SLC9A9: variants seen among roughly 807,000 people sequenced by gnomAD.
The protein encoded by SLC9A9 is sodium/hydrogen exchanger 9.
Under a neutral mutation model 77.8 loss-of-function variants are expected in SLC9A9, and 62 were observed. That is an observed-to-expected ratio of 0.80 (90% CI 0.65 to 0.98). The LOEUF is 0.98. Among genes scored for constraint, SLC9A9 ranks in the 50% least tolerant of loss-of-function variants. The pLI, the probability that SLC9A9 is intolerant of heterozygous loss-of-function variation, is 0.00. For synonymous variants in SLC9A9, 320 were observed against 283.5 expected (o/e 1.13, Z -1.29); for missense variants, 775 against 774.9 (o/e 1.00, Z 0.00).
At chr3:143,785,051 T>C (rs2008005329) in intron 4 of SLC9A9, among the ~76,000 whole-genome samples, 1 of 152,212 alleles carries the variant, frequency 6.6e-6, no homozygotes, top group African/African-American at 2.4e-5. Flanking sequence ...AAATATCTAT[T>C]GTTTATAAGA....
At chr3:143,702,955 G>A (rs77271880) in intron 4 of SLC9A9, among the ~76,000 whole-genome samples, 3,552 of 152,118 alleles carry the variant, frequency 0.023, 147 homozygotes, top group African/African-American at 0.079. Context: ...TAGATTTCAA[G>A]ACTAAAATTA....
chr3:143,294,846 C>T (rs1011268569), intron 14 of SLC9A9, among the ~76,000 whole-genome samples: 1 of 152,142 alleles, frequency 6.6e-6, no homozygotes, highest in Non-Finnish European at 1.5e-5. Context: ...CTACACATAG[C>T]CCAGGCAATA....
intron 4 of SLC9A9, among the ~76,000 whole-genome samples, chr3:143,714,537 T>C (rs755016671): frequency 2.0e-5 from 3 of 152,236 alleles, no homozygotes; most frequent in South Asian, 2.1e-4. Flanking sequence ...TTCCCACCAA[T>C]GTGTAGCCAG....
At chr3:143,520,641 C>T (rs950992556) in intron 9 of SLC9A9, among the ~76,000 whole-genome samples, 1 of 152,180 alleles carries the variant, frequency 6.6e-6, no homozygotes, top group Non-Finnish European at 1.5e-5. Context: ...AATCATTAGC[C>T]TCACTTTACA....
chr3:143,560,638 C>A (rs1314271110), intron 8 of SLC9A9, among the ~76,000 whole-genome samples: 1 of 151,222 alleles, frequency 6.6e-6, no homozygotes, highest in African/African-American at 2.4e-5. Flanking sequence ...ATTTCCTTTT[C>A]ATCCCAACAA....
At chr3:143,734,726 C>T (rs1048363796) in intron 4 of SLC9A9, among the ~76,000 whole-genome samples, 2 of 140,642 alleles carry the variant, frequency 1.4e-5, no homozygotes, top group East Asian at 4.0e-4. Flanking sequence ...GAGCAAGACT[C>T]CATCTCAAAA....
intron 13 of SLC9A9, among the ~76,000 whole-genome samples, chr3:143,378,730 T>G (rs985463154): frequency 5.3e-5 from 8 of 152,290 alleles, no homozygotes; most frequent in East Asian, 3.9e-4. Flanking sequence ...AGGGTTTTGT[T>G]TTTCACATTT....
intron 4 of SLC9A9, among the ~76,000 whole-genome samples, chr3:143,706,001 C>T (rs1933962989): frequency 6.6e-6 from 1 of 152,198 alleles, no homozygotes; most frequent in African/African-American, 2.4e-5. Flanking sequence ...CTCTCTTTTA[C>T]TTGCAGACTT....
chr3:143,487,300 G>A (rs1312678145), intron 11 of SLC9A9, among the ~76,000 whole-genome samples: 2 of 151,788 alleles, frequency 1.3e-5, no homozygotes, highest in Non-Finnish European at 3.0e-5. Flanking sequence ...AAATTTAATG[G>A]AGAAATAGAC....
At chr3:143,589,888 C>A (rs546053417) in intron 6 of SLC9A9, among the ~76,000 whole-genome samples, 3 of 152,258 alleles carry the variant, frequency 2.0e-5, no homozygotes, top group East Asian at 1.9e-4. Context: ...TACACCCCAA[C>A]TTCATAGACT....
chr3:143,271,473 G>A (rs899134998), intron 14 of SLC9A9, among the ~76,000 whole-genome samples: 1 of 152,112 alleles, frequency 6.6e-6, no homozygotes, highest in Non-Finnish European at 1.5e-5. Context: ...CTATAAAAAT[G>A]CTACTTACTT....
intron 4 of SLC9A9, among the ~76,000 whole-genome samples, chr3:143,782,283 T>C (rs546625285): frequency 6.6e-6 from 1 of 152,274 alleles, no homozygotes; most frequent in South Asian, 2.1e-4. Flanking sequence ...ATCTCTCTAC[T>C]AGGTTGGGAG....
At chr3:143,450,176 A>C (rs1057026288) in intron 12 of SLC9A9, among the ~76,000 whole-genome samples, 1 of 133,626 alleles carries the variant, frequency 7.5e-6, no homozygotes, top group Non-Finnish European at 1.6e-5. Context: ...CATATTTATT[A>C]TATTATGTAA....
Position 143,517,074 on chromosome 3 carries a change from CTTTT to C in SLC9A9, c.1090-21630_1090-21627del, listed in dbSNP as rs776755743. 85 of 914,480 alleles carry C rather than the reference CTTTT, an allele frequency of 9.3e-5. 1 individual carries two copies. Among genetic ancestry groups the C allele is most frequent in the Non-Finnish European group, 1.3e-4 (82 of 637,018 alleles). The allele number at this position is 914,480 out of a possible 1,614,324, so 56.6% of individuals were successfully genotyped here. On this transcript the variant is annotated intron_variant, in intron 9 of 15. Coordinates refer to ENST00000316549, the MANE Select transcript of SLC9A9 (RefSeq NM_173653.4). ...ATAAATAGCATGTCAATTTCTTTAA[CTTTT>C]TTTTTTTTCCTTCAGCAAGGGCTTT...
At chr3:143,817,356 G>C (rs1312978675) in intron 2 of SLC9A9, among the ~76,000 whole-genome samples, 1 of 150,560 alleles carries the variant, frequency 6.6e-6, no homozygotes, top group African/African-American at 2.4e-5. Flanking sequence ...CACCTTGTTA[G>C]CCAGGATGGT....
chr3:143,816,769 T>C (rs2009029519), intron 2 of SLC9A9, among the ~76,000 whole-genome samples: 1 of 152,242 alleles, frequency 6.6e-6, no homozygotes, highest in Admixed American at 6.5e-5. Flanking sequence ...TACACTCCCA[T>C]AGTAAAGTGT....
chr3:143,659,172 G>A (rs1197770028), intron 5 of SLC9A9, among the ~76,000 whole-genome samples: 2 of 151,932 alleles, frequency 1.3e-5, no homozygotes, highest in African/African-American at 4.8e-5. Context: ...GAAAATGGTG[G>A]GCAAGGGTTT....
chr3:143,585,238 T>A (rs1388333753), intron 6 of SLC9A9, among the ~76,000 whole-genome samples: 1 of 152,198 alleles, frequency 6.6e-6, no homozygotes. Flanking sequence ...AGGAAATTCC[T>A]TGTGGACAAA....
intron 5 of SLC9A9, among the ~76,000 whole-genome samples, chr3:143,663,570 A>G (rs1477742389): frequency 6.6e-6 from 1 of 152,230 alleles, no homozygotes; most frequent in Admixed American, 6.5e-5. Flanking sequence ...AAACCTTGAA[A>G]AAAGATTAGA....
Sources: gnomAD v4.1 joint callset for allele counts (sites outside exome capture counted in the v4.1 genomes callset) on GRCh38, gnomAD v4.1.1 for gene constraint, MANE v1.5 for transcripts, NCBI Gene and HGNC (gene_info 2026-07-23, HGNC 2026-07-21) for gene names.